Variants in CMTM7 observed in about 807,000 individuals in gnomAD.
CMTM7 encodes CKLF like MARVEL transmembrane domain containing 7, also known as CKLF-like MARVEL transmembrane domain-containing protein 7.
Under a neutral mutation model 19.3 loss-of-function variants are expected in CMTM7, and 7 were observed. The ratio of observed to expected loss-of-function variants is 0.36; its 90% confidence interval spans 0.21 to 0.68. The LOEUF is 0.68. CMTM7 is among the 30% of genes least tolerant of loss of function. CMTM7 has a pLI of 0.60. For synonymous variants in CMTM7, 87 were observed against 99.3 expected, an observed-to-expected ratio of 0.88 and a Z score of 0.74; for missense variants, 193 against 232.6, an observed-to-expected ratio of 0.83 and a Z score of 1.11.
At chr3:32,452,339 C>T (rs377070999) in intron 3 of CMTM7, 53 bp from the exon 4 acceptor site, 53 of 1,613,520 alleles carry the variant, frequency 3.3e-5, no homozygotes, top group Middle Eastern at 3.3e-4. Flanking sequence ...CAGGATTGCC[C>T]GAGTAATTAG....
chr3:32,453,893 G>A (rs953891648), intron 4 of CMTM7, among the ~76,000 whole-genome samples: 1 of 152,180 alleles, frequency 6.6e-6, no homozygotes, highest in Non-Finnish European at 1.5e-5. Flanking sequence ...GAAAAGAGAA[G>A]TTAATAGGTG....
chr3:32,409,476 G>T (rs138943641), intron 1 of CMTM7, among the ~76,000 whole-genome samples: 15 of 152,272 alleles, frequency 9.9e-5, no homozygotes, highest in Non-Finnish European at 2.1e-4. Flanking sequence ...TGATACAAAT[G>T]CTATTAACTT....
At chr3:32,412,128 G>A (rs1024678508) in intron 1 of CMTM7, among the ~76,000 whole-genome samples, 25 of 152,196 alleles carry the variant, frequency 1.6e-4, no homozygotes, top group East Asian at 1.2e-3. Context: ...ATAGCTAACT[G>A]TCTCGTAGAA....
In CMTM7 at chr3:32,454,687, G is replaced by C; in HGVS notation, c.*433G>C. ...TATCTAGCTTGTCAGTCCGGTCTTA[G>C]AGATACCCTCTTTCCTGAAGTGAGG... On this transcript the variant is annotated 3_prime_UTR_variant, in exon 5 of 5. Coordinates refer to ENST00000334983, the MANE Select transcript of CMTM7 (RefSeq NM_138410.4). 2.8e-6 allele frequency: 1 copy of C among 354,698 alleles called. No individual in the cohort carries two copies. Among genetic ancestry groups the C allele is most frequent in the Non-Finnish European group, 5.6e-6 (1 of 179,554 alleles). The allele number at this position is 354,698 out of a possible 1,614,324, so 22.0% of individuals were successfully genotyped here.
At chr3:32,444,254 C>T (rs1358407503) in intron 2 of CMTM7, among the ~76,000 whole-genome samples, 1 of 152,140 alleles carries the variant, frequency 6.6e-6, no homozygotes, top group African/African-American at 2.4e-5. Flanking sequence ...GGTAAGGGTT[C>T]AATTTCATTC....
chr3:32,452,757 C>T (rs1447910143), intron 4 of CMTM7, among the ~76,000 whole-genome samples: 34 of 140,702 alleles, frequency 2.4e-4, no homozygotes, highest in Non-Finnish European at 4.8e-4. Flanking sequence ...CTTTACTTTT[C>T]TTTTTTTTTT....
chr3:32,424,121 A>T (rs1038000187), intron 1 of CMTM7, among the ~76,000 whole-genome samples: 6 of 152,226 alleles, frequency 3.9e-5, no homozygotes, highest in African/African-American at 1.4e-4. Flanking sequence ...CTGAGGCCTC[A>T]GCTGAGAAGA....
At chr3:32,419,690 T>A (rs1318806266) in intron 1 of CMTM7, among the ~76,000 whole-genome samples, 2 of 152,262 alleles carry the variant, frequency 1.3e-5, no homozygotes, top group Non-Finnish European at 2.9e-5. Flanking sequence ...TTTGAAACAT[T>A]TGGAAGTACT....
rs1025070389 is a variant in CMTM7 at position 32,424,411 on chromosome 3, A to G, written c.160-17429A>G. Among the ~76,000 whole-genome samples, 4 of 152,176 alleles carry G rather than the reference A, an allele frequency of 2.6e-5. No homozygotes were observed. In the East Asian group the frequency reaches 7.7e-4, roughly 29 times the overall value. ...CTGCCCAGCTTCAAGGGGAGAGGAAACAGATTATACTTCCTGATGGGGAGT... is the reference window on the plus strand; with the variant it reads ...CTGCCCAGCTTCAAGGGGAGAGGAAGCAGATTATACTTCCTGATGGGGAGT... On this transcript the variant is annotated intron_variant, in intron 1 of 4. Transcript: ENST00000334983.
chr3:32,417,204 C>T (rs1366356792), intron 1 of CMTM7, among the ~76,000 whole-genome samples: 1 of 152,152 alleles, frequency 6.6e-6, no homozygotes, highest in Non-Finnish European at 1.5e-5. Context: ...ACCCTAAATT[C>T]CCTCATGCTG....
At chr3:32,402,259 G>A (rs558094650) in intron 1 of CMTM7, among the ~76,000 whole-genome samples, 2 of 151,974 alleles carry the variant, frequency 1.3e-5, no homozygotes, top group South Asian at 2.1e-4. Flanking sequence ...CTACAGGCGC[G>A]CGCCACCACG....
rs1215784805 is a variant in CMTM7, at chr3:32,449,021, A to G, written c.334-433A>G. On this transcript the variant is annotated intron_variant, in intron 2 of 4. Transcript: ENST00000334983. This position sits in a 1 kb window ranked among gnomAD's most constrained non-coding sequence, Gnocchi z 4.5. ...AGAACTTTCTCCGAAGCAGAAGAGA[A>G]AGGCAAATATCTCTTTAAGGTACTT... is the stretch of plus-strand genomic sequence containing the variant. 6.6e-6 allele frequency among the ~76,000 whole-genome samples: 1 copy of G among 152,244 alleles called. No homozygotes were observed. The highest frequency in any genetic ancestry group is 1.5e-5 in the Non-Finnish European group (1 of 68,036).
chr3:32,418,472 C>T (rs1696298700), intron 1 of CMTM7, among the ~76,000 whole-genome samples: 1 of 152,100 alleles, frequency 6.6e-6, no homozygotes, highest in Non-Finnish European at 1.5e-5. Context: ...TATCTAAAAA[C>T]TCTTTTCCTA....
intron 1 of CMTM7, among the ~76,000 whole-genome samples, chr3:32,421,606 C>G (rs1438137661): frequency 1.3e-5 from 2 of 152,134 alleles, no homozygotes; most frequent in Admixed American, 1.3e-4. Context: ...TGGTATTTAT[C>G]CCCTGTTTTG....
intron 1 of CMTM7, among the ~76,000 whole-genome samples, chr3:32,400,201 G>A (rs1695979806): frequency 6.6e-6 from 1 of 151,872 alleles, no homozygotes; most frequent in Non-Finnish European, 1.5e-5. Context: ...TGTATTTTTA[G>A]TAGAGACGGG....
chr3:32,422,171 C>T (rs527585244), intron 1 of CMTM7, among the ~76,000 whole-genome samples: 8 of 152,216 alleles, frequency 5.3e-5, no homozygotes, highest in South Asian at 2.1e-4. Flanking sequence ...ATTTTTCATC[C>T]GTGACACATG....
At chr3:32,402,639 T>A (rs1031709983) in intron 1 of CMTM7, among the ~76,000 whole-genome samples, 1 of 152,212 alleles carries the variant, frequency 6.6e-6, no homozygotes, top group African/African-American at 2.4e-5. Flanking sequence ...CTCGGCTCAC[T>A]GTAACCTTCG....
At chr3:32,452,613 G>T (rs1194203007) in intron 4 of CMTM7, 140 bp downstream of exon 4, 6 of 786,394 alleles carry the variant, frequency 7.6e-6, no homozygotes, top group Admixed American at 4.4e-5. Context: ...TAGAGCACAG[G>T]GGCCAGCAAA....
intron 1 of CMTM7, among the ~76,000 whole-genome samples, chr3:32,395,993 A>G (rs1193432643): frequency 6.6e-6 from 1 of 152,232 alleles, no homozygotes; most frequent in East Asian, 1.9e-4. Flanking sequence ...GTGTAACCAT[A>G]TAGATAACCA....
Sources: gnomAD v4.1 joint callset for allele counts (sites outside exome capture counted in the v4.1 genomes callset) on GRCh38, gnomAD v4.1.1 for gene constraint, Gnocchi (gnomAD v3.1) non-coding constraint, MANE v1.5 for transcripts, NCBI Gene and HGNC (gene_info 2026-07-23, HGNC 2026-07-21) for gene names.